KDM4B: variants seen among roughly 807,000 people sequenced by gnomAD.
The protein encoded by KDM4B is lysine demethylase 4B.
KDM4B carries 32 observed loss-of-function variants against 125.2 expected under a neutral mutation model. That is an observed-to-expected ratio of 0.26 (90% CI 0.19 to 0.34). The LOEUF (loss-of-function observed/expected upper bound fraction) is 0.34. Ranked by LOEUF, KDM4B falls within the 10% of genes least tolerant of loss-of-function variation. KDM4B has a pLI of 1.00. For missense variants in KDM4B, 1,190 were observed against 1,577.7 expected (o/e 0.75, Z 4.16); for synonymous variants, 721 against 677.9 (o/e 1.06, Z -0.99).
intron 1 of KDM4B, among the ~76,000 whole-genome samples, chr19:4,970,955 C>T (rs1448864159): frequency 6.6e-6 from 1 of 152,026 alleles, no homozygotes; most frequent in East Asian, 1.9e-4. Flanking sequence ...CTGTCCTGGC[C>T]TAGAGGAGGT....
At chr19:5,019,740 T>C (rs2036033061) in intron 2 of KDM4B, among the ~76,000 whole-genome samples, 1 of 133,700 alleles carries the variant, frequency 7.5e-6, no homozygotes, top group South Asian at 2.5e-4. Context: ...GGTGTTGGTG[T>C]GGGTGTTGGT....
intron 2 of KDM4B, among the ~76,000 whole-genome samples, chr19:5,024,775 C>T (rs1215758233): frequency 6.6e-6 from 1 of 151,984 alleles, no homozygotes; most frequent in Non-Finnish European, 1.5e-5. Context: ...ATGGTGAAAC[C>T]TCGTCCTACT....
chr19:5,013,243 G>C (rs1471693369), intron 1 of KDM4B, among the ~76,000 whole-genome samples: 1 of 152,194 alleles, frequency 6.6e-6, no homozygotes, highest in Non-Finnish European at 1.5e-5. Flanking sequence ...TGCAGCGGGG[G>C]AGAGAGCTGT....
intron 2 of KDM4B, among the ~76,000 whole-genome samples, chr19:5,025,179 C>G (rs374626493): frequency 6.6e-6 from 1 of 152,052 alleles, no homozygotes; most frequent in Non-Finnish European, 1.5e-5. Flanking sequence ...TCTTGAGCCC[C>G]GAATAAAGAA....
chr19:5,035,504 G>A lies in KDM4B; in HGVS notation c.141+2473G>A, dbSNP rs928612561. On this transcript the variant is annotated intron_variant, in intron 3 of 22. Coordinates refer to ENST00000159111, the MANE Select transcript of KDM4B (RefSeq NM_015015.3). The surrounding 1 kb of genome is among the most constrained non-coding windows in gnomAD (Gnocchi z 5.3). ...CCTCCACGTGGCGGCCTTGGGTGCA[G>A]CCTGGGTTCCCGGGTGGCCTGTCCT... is the stretch of plus-strand genomic sequence containing the variant. Among the ~76,000 whole-genome samples, 2 of 152,052 alleles carry A rather than the reference G, an allele frequency of 1.3e-5. No individual in the cohort carries two copies. The highest frequency in any genetic ancestry group is 4.8e-5 in the African/African-American group (2 of 41,414).
intron 1 of KDM4B, among the ~76,000 whole-genome samples, chr19:4,981,337 C>T (rs1008167950): frequency 6.6e-5 from 10 of 152,144 alleles, no homozygotes; most frequent in South Asian, 2.1e-4. Context: ...GGTGTCACCC[C>T]GCTGTCTGGT....
Position 5,021,202 on chromosome 19 carries a change from C to T in KDM4B, c.-26+4863C>T, listed in dbSNP as rs2036109335. ...TGCAGGCTTCGGGCGGCCCTGTGTC[C>T]TCCAGCTCTTGGGGTGGGGCCACTC... is the stretch of plus-strand genomic sequence containing the variant. On this transcript the variant is annotated intron_variant, in intron 2 of 22. Coordinates refer to ENST00000159111, the MANE Select transcript of KDM4B (RefSeq NM_015015.3). 2.6e-5 allele frequency among the ~76,000 whole-genome samples: 4 copies of T among 151,752 alleles called. No homozygotes were observed. In the South Asian group the frequency reaches 8.3e-4, roughly 32 times the overall value.
chr19:5,013,307 G>C (rs2035787255), intron 1 of KDM4B, among the ~76,000 whole-genome samples: 1 of 152,216 alleles, frequency 6.6e-6, no homozygotes, highest in Non-Finnish European at 1.5e-5. Context: ...TGGGGACCTG[G>C]TGGCAGCCAG....
intron 8 of KDM4B, chr19:5,080,812 AG>A (rs2038268422): frequency 6.6e-6 from 1 of 152,260 alleles, no homozygotes; most frequent in Non-Finnish European, 1.5e-5. Flanking sequence ...CATCAACAGG[AG>A]GATAGATAAA....
At chr19:5,138,429 C>T (rs1448233713) in intron 18 of KDM4B, 5 of 234,004 alleles carry the variant, frequency 2.1e-5, no homozygotes, top group Non-Finnish European at 4.2e-5. Context: ...GCTGTCTGAT[C>T]TTTGCTGTTT....
intron 18 of KDM4B, 24 bp from the exon 19 acceptor site, chr19:5,143,943 C>T (rs1200370721): frequency 6.4e-7 from 1 of 1,558,996 alleles, no homozygotes; most frequent in South Asian, 1.2e-5. Context: ...AGCCCCATGC[C>T]CCTGCCTGTG....
intron 9 of KDM4B, among the ~76,000 whole-genome samples, chr19:5,106,392 A>G (rs1368293859): frequency 6.6e-6 from 1 of 152,158 alleles, no homozygotes; most frequent in Non-Finnish European, 1.5e-5. Flanking sequence ...GTGTGCAAAG[A>G]TCCACGTTGC....
intron 1 of KDM4B, among the ~76,000 whole-genome samples, chr19:4,981,659 C>G (rs2034647205): frequency 6.6e-6 from 1 of 152,170 alleles, no homozygotes. Flanking sequence ...TCCAGGGGAG[C>G]AGGTGACACT....
intron 1 of KDM4B, among the ~76,000 whole-genome samples, chr19:5,006,075 C>G (rs1274759851): frequency 6.6e-6 from 1 of 152,106 alleles, no homozygotes; most frequent in Non-Finnish European, 1.5e-5. Context: ...TAGTGAAGGA[C>G]AGAGAAGAAG....
intron 1 of KDM4B, among the ~76,000 whole-genome samples, chr19:4,969,623 T>C (rs2145256974): frequency 6.6e-6 from 1 of 151,432 alleles, no homozygotes; most frequent in Middle Eastern, 3.4e-3. Context: ...CTCGGCCTAT[T>C]ATTATTATTA....
rs2038282760 is a variant in KDM4B at position 5,081,183 on chromosome 19, A to G, written c.781-1184A>G. Among the ~76,000 whole-genome samples the G allele has an allele frequency of 1.3e-5, 2 of 152,112 alleles. No homozygotes were observed. Among genetic ancestry groups the G allele is most frequent in the South Asian group, 4.1e-4 (2 of 4,828 alleles). ...TAAATAAAGATGAGGAGCCCACTTG[A>G]CTTCAAGGATTCTAGTTCATGAGCC... On this transcript the variant is annotated intron_variant, in intron 8 of 22. Coordinates refer to ENST00000159111, the MANE Select transcript of KDM4B (RefSeq NM_015015.3). The surrounding 1 kb of genome is among the most constrained non-coding windows in gnomAD (Gnocchi z 4.2).
chr19:5,076,133 ACCG>A, intron 7 of KDM4B: 1 of 93,164 alleles, frequency 1.1e-5, no homozygotes, highest in Non-Finnish European at 2.2e-5. Context: ...TCTCTCGTTG[ACCG>A]AGTGACGAGA....
intron 9 of KDM4B, among the ~76,000 whole-genome samples, chr19:5,104,837 A>G (rs960726865): frequency 6.6e-6 from 1 of 152,138 alleles, no homozygotes; most frequent in East Asian, 1.9e-4. Flanking sequence ...GGAGAACCAG[A>G]GCCTGACTCC....
In KDM4B at chr19:4,997,965, A is replaced by T. The variant is rs945713549; in HGVS notation, c.-108-18292A>T. Among the ~76,000 whole-genome samples the T allele has an allele frequency of 2.6e-5, 4 of 152,266 alleles. No individual in the cohort carries two copies. Among genetic ancestry groups the T allele is most frequent in the Non-Finnish European group, 5.9e-5 (4 of 68,048 alleles). ...ACAAGGCAGGTTTGTAGATGCATAGATTATTTAGTTAATGATTATGGTTTT... is the reference window on the plus strand; with the variant it reads ...ACAAGGCAGGTTTGTAGATGCATAGTTTATTTAGTTAATGATTATGGTTTT... On this transcript the variant is annotated intron_variant, in intron 1 of 22. Coordinates refer to ENST00000159111, the MANE Select transcript of KDM4B (RefSeq NM_015015.3). This position sits in a 1 kb window ranked among gnomAD's most constrained non-coding sequence, Gnocchi z 4.2.
Sources: gnomAD v4.1 joint callset for allele counts (sites outside exome capture counted in the v4.1 genomes callset) on GRCh38, gnomAD v4.1.1 for gene constraint, Gnocchi (gnomAD v3.1) non-coding constraint, MANE v1.5 for transcripts, NCBI Gene and HGNC (gene_info 2026-07-23, HGNC 2026-07-21) for gene names.